L3MBTL4: variants seen among roughly 807,000 people sequenced by gnomAD.
The protein encoded by L3MBTL4 is lethal(3)malignant brain tumor-like protein 4.
L3MBTL4 carries 70 observed loss-of-function variants against 84.5 expected under a neutral mutation model. The observed-to-expected ratio is 0.83, with a 90% CI of 0.68 to 1.01. The LOEUF is 1.01. Among genes scored for constraint, L3MBTL4 ranks in the 50% least tolerant of loss-of-function variants. The pLI is 0.00. For missense variants in L3MBTL4, 715 were observed against 754.8 expected (o/e 0.95, Z 0.62); for synonymous variants, 274 against 259.8 (o/e 1.05, Z -0.52).
chr18:5,969,334 C>T (rs2052514623), intron 17 of L3MBTL4, 59 bp downstream of exon 17: 2 of 1,582,106 alleles, frequency 1.3e-6, no homozygotes, highest in Non-Finnish European at 1.7e-6. Context: ...TGGGCACCTT[C>T]CGCCTATTTC....
intron 10 of L3MBTL4, among the ~76,000 whole-genome samples, chr18:6,233,449 G>A (rs2047081859): frequency 6.7e-6 from 1 of 149,860 alleles, no homozygotes. Flanking sequence ...ATCTCCTTAA[G>A]CTGACAAGCA....
chr18:6,243,453 C>A (rs1469428008), intron 6 of L3MBTL4, 24 bp from the exon 7 acceptor site: 6 of 1,562,252 alleles, frequency 3.8e-6, no homozygotes, highest in East Asian at 2.3e-5. Context: ...AGTTTACAAT[C>A]ATTCGTTAAG....
chr18:6,032,646 C>T (rs1166617326), intron 16 of L3MBTL4, among the ~76,000 whole-genome samples: 5 of 152,032 alleles, frequency 3.3e-5, no homozygotes, highest in African/African-American at 1.2e-4. Flanking sequence ...CCATCACTGC[C>T]ATCCATCTCT....
intron 12 of L3MBTL4, among the ~76,000 whole-genome samples, chr18:6,179,655 TTGTAA>T (rs1568266499): frequency 6.6e-6 from 1 of 152,204 alleles, no homozygotes; most frequent in East Asian, 1.9e-4. Flanking sequence ...CCAGGGATAG[TTGTAA>T]TGTGTGTGTG....
At chr18:6,031,086 G>A (rs657799) in intron 16 of L3MBTL4, 68,779 of 985,252 alleles carry the variant, frequency 0.07, 6,098 homozygotes, top group African/African-American at 0.41. Context: ...ATTAATTATA[G>A]GAAGCTGGGG....
intron 16 of L3MBTL4, among the ~76,000 whole-genome samples, chr18:6,046,397 C>A (rs951122313): frequency 1.3e-5 from 2 of 152,142 alleles, no homozygotes; most frequent in African/African-American, 2.4e-5. Context: ...TGATAGTTGA[C>A]CAAGTAGACC....
At chr18:6,188,367 A>C (rs1191465961) in intron 12 of L3MBTL4, among the ~76,000 whole-genome samples, 4 of 151,570 alleles carry the variant, frequency 2.6e-5, no homozygotes, top group Non-Finnish European at 4.4e-5. Context: ...AAATACACTG[A>C]TATTTTAGGG....
intron 10 of L3MBTL4, among the ~76,000 whole-genome samples, chr18:6,222,906 T>C (rs2046617895): frequency 6.7e-6 from 1 of 150,222 alleles, no homozygotes; most frequent in South Asian, 2.1e-4. Context: ...ATGGCTAAGG[T>C]TGCAACTAAA....
At chr18:6,163,786 A>C (rs1303539116) in intron 13 of L3MBTL4, among the ~76,000 whole-genome samples, 2 of 152,196 alleles carry the variant, frequency 1.3e-5, no homozygotes, top group Non-Finnish European at 2.9e-5. Flanking sequence ...CTGCATTTCC[A>C]ACTGAGGTAC....
intron 16 of L3MBTL4, among the ~76,000 whole-genome samples, chr18:6,055,892 T>C (rs1395008548): frequency 1.3e-5 from 2 of 152,144 alleles, no homozygotes; most frequent in Admixed American, 6.5e-5. Flanking sequence ...GCCTCTTCTC[T>C]GTATAAGGGA....
intron 16 of L3MBTL4, among the ~76,000 whole-genome samples, chr18:6,040,537 C>T (rs561438206): frequency 3.6e-4 from 55 of 152,272 alleles, no homozygotes; most frequent in Admixed American, 7.8e-4. Flanking sequence ...GAGTACCTGC[C>T]GTGGGTCTGT....
chr18:6,391,165 C>G (rs1432239068), intron 1 of L3MBTL4, among the ~76,000 whole-genome samples: 1 of 152,048 alleles, frequency 6.6e-6, no homozygotes, highest in Non-Finnish European at 1.5e-5. Context: ...CCCAGGGATG[C>G]AAGAATATTT....
At chr18:6,016,849 G>C (rs1342575385) in intron 16 of L3MBTL4, among the ~76,000 whole-genome samples, 1 of 152,228 alleles carries the variant, frequency 6.6e-6, no homozygotes, top group Non-Finnish European at 1.5e-5. Flanking sequence ...CAAGTGGTGG[G>C]CAGAGGGCAG....
At chr18:6,351,685 G>A (rs1196165642) in intron 1 of L3MBTL4, among the ~76,000 whole-genome samples, 2 of 151,884 alleles carry the variant, frequency 1.3e-5, no homozygotes, top group Non-Finnish European at 2.9e-5. Context: ...CCGAGTAGCT[G>A]GGACCACAGG....
rs556712336 is a variant in L3MBTL4, at chr18:6,146,240, G to A, written c.1097-7944C>T. 3.3e-5 allele frequency among the ~76,000 whole-genome samples: 5 copies of A among 152,312 alleles called. No individual in the cohort carries two copies. The South Asian group carries it at 1.0e-3, about 32-fold the overall frequency. Reference sequence around the variant, plus strand: ...CGGGACCTGCTGTGCGCTCTGCATCGTGGCTGCGACTGGAGTCAGCCCTTC... The same window carrying A: ...CGGGACCTGCTGTGCGCTCTGCATCATGGCTGCGACTGGAGTCAGCCCTTC... On this transcript the variant is annotated intron_variant, in intron 13 of 18. Coordinates refer to ENST00000317931, the MANE Select transcript of L3MBTL4 (RefSeq NM_001330559.2).
At chr18:6,007,280 G>C (rs2054531300) in intron 16 of L3MBTL4, among the ~76,000 whole-genome samples, 1 of 151,352 alleles carries the variant, frequency 6.6e-6, no homozygotes, top group Admixed American at 6.6e-5. Flanking sequence ...AACTAACGTG[G>C]CAACAGAAAG....
chr18:6,408,045 T>G (rs1029904408), intron 1 of L3MBTL4, among the ~76,000 whole-genome samples: 10 of 151,918 alleles, frequency 6.6e-5, no homozygotes, highest in African/African-American at 2.4e-4. Flanking sequence ...AAGGAGGGTG[T>G]CCATGAGTTG....
At position 5,970,410 on chromosome 18, in the gene L3MBTL4, C is replaced by T. The variant is rs780167709; in HGVS notation, c.1445-848G>A. ...ATCAACAGCCTTCTGTGCTGGTTTCCTGTCTTCAAAAGTGACTTTAATCTT... is the reference window on the plus strand; with the variant it reads ...ATCAACAGCCTTCTGTGCTGGTTTCTTGTCTTCAAAAGTGACTTTAATCTT... On this transcript the variant is annotated intron_variant, in intron 16 of 18. Transcript: ENST00000317931. 2.0e-5 allele frequency among the ~76,000 whole-genome samples: 3 copies of T among 151,676 alleles called. No homozygotes were observed. In the East Asian group the frequency reaches 6.2e-4, roughly 32 times the overall value.
chr18:6,231,783 A>C (rs1432760719), intron 10 of L3MBTL4, among the ~76,000 whole-genome samples: 1 of 152,086 alleles, frequency 6.6e-6, no homozygotes, highest in East Asian at 1.9e-4. Context: ...TTGGTTTATT[A>C]GTTCTACCAG....
Sources: allele counts gnomAD v4.1 joint callset (sites outside exome capture counted in the v4.1 genomes callset), GRCh38; gene constraint gnomAD v4.1.1; transcripts MANE v1.5; gene names NCBI Gene and HGNC (gene_info 2026-07-23, HGNC 2026-07-21).